NFIB: variants seen among roughly 807,000 people sequenced by gnomAD.
NFIB encodes nuclear factor I B.
Under a neutral mutation model 61.5 loss-of-function variants are expected in NFIB, and 11 were observed. The ratio of observed to expected loss-of-function variants is 0.18; its 90% CI spans 0.11 to 0.30. The LOEUF (loss-of-function observed/expected upper bound fraction) is 0.30. NFIB is among the 10% of genes least tolerant of loss of function. NFIB has a pLI of 1.00. For synonymous variants in NFIB, 260 were observed against 216.5 expected, an observed-to-expected ratio of 1.20 and a Z score of -1.76; for missense variants, 471 against 608.9, an observed-to-expected ratio of 0.77 and a Z score of 2.38.
At chr9:14,220,520 G>C (rs1293598372) in intron 2 of NFIB, among the ~76,000 whole-genome samples, 1 of 152,118 alleles carries the variant, frequency 6.6e-6, no homozygotes, top group East Asian at 1.9e-4. Context: ...AGAGCACCAA[G>C]AAACCAGGAG....
chr9:14,503,102 A>G, the NFIB span, among the ~76,000 whole-genome samples: 3 of 135,438 alleles, frequency 2.2e-5, no homozygotes, highest in Admixed American at 8.1e-5. Flanking sequence ...ATATATATAT[A>G]TATATGTGTG....
chr9:14,422,081 C>T, the NFIB span, among the ~76,000 whole-genome samples: 4 of 152,230 alleles, frequency 2.6e-5, no homozygotes, highest in East Asian at 5.8e-4. Context: ...TATAAACAGG[C>T]TAGTGTTAGC....
the NFIB span, among the ~76,000 whole-genome samples, chr9:14,498,751 G>A: frequency 2.8e-4 from 36 of 130,022 alleles, no homozygotes; most frequent in African/African-American, 9.8e-4. Context: ...CATGCACAAC[G>A]GAAACACTCA....
intron 2 of NFIB, among the ~76,000 whole-genome samples, chr9:14,263,259 G>GA (rs1205706543): frequency 6.9e-6 from 1 of 145,586 alleles, no homozygotes; most frequent in East Asian, 2.0e-4. Context: ...TGTTTCAATG[G>GA]CATTTGAATA....
intron 1 of NFIB, among the ~76,000 whole-genome samples, chr9:14,322,585 C>A (rs1261275047): frequency 6.6e-6 from 1 of 151,968 alleles, no homozygotes; most frequent in Non-Finnish European, 1.5e-5. Flanking sequence ...GCCCGCCCCG[C>A]CCCACCCTAC....
chr9:14,245,759 G>A (rs762268114), intron 2 of NFIB, among the ~76,000 whole-genome samples: 1 of 152,054 alleles, frequency 6.6e-6, no homozygotes. Flanking sequence ...TGTAATCCCA[G>A]CTACTTGGGA....
the NFIB span, among the ~76,000 whole-genome samples, chr9:14,491,206 T>C: frequency 6.6e-6 from 1 of 152,190 alleles, no homozygotes; most frequent in Admixed American, 6.5e-5. Flanking sequence ...ATTGAGTGCA[T>C]GTAAAGCTCT....
chr9:14,263,621 A>G (rs1242327273), intron 2 of NFIB, among the ~76,000 whole-genome samples: 2 of 152,202 alleles, frequency 1.3e-5, no homozygotes, highest in African/African-American at 4.8e-5. Context: ...GGCTATACAC[A>G]GGTTTGCCAT....
the NFIB span, among the ~76,000 whole-genome samples, chr9:14,407,106 A>C: frequency 6.6e-6 from 1 of 152,086 alleles, no homozygotes; most frequent in African/African-American, 2.4e-5. Context: ...CAATTTATTT[A>C]TTTTCTATTT....
At chr9:14,471,319 G>A in the NFIB span, among the ~76,000 whole-genome samples, 2 of 152,174 alleles carry the variant, frequency 1.3e-5, no homozygotes, top group African/African-American at 4.8e-5. Context: ...CCTCCCCCCT[G>A]AGGTCAGGCA....
At chr9:14,271,582 GAAACACA>G (rs2057629351) in intron 2 of NFIB, among the ~76,000 whole-genome samples, 2 of 152,062 alleles carry the variant, frequency 1.3e-5, no homozygotes, top group South Asian at 4.1e-4. Flanking sequence ...TCAGCTGGAC[GAAACACA>G]TGCTTCCACC....
chr9:14,276,708 G>C (rs1238542067), intron 2 of NFIB, among the ~76,000 whole-genome samples: 1 of 151,978 alleles, frequency 6.6e-6, no homozygotes, highest in Admixed American at 6.6e-5. Flanking sequence ...ACTACACATA[G>C]AAGTATCTGA....
chr9:14,353,889 G>A (rs1248761064), intron 1 of NFIB, among the ~76,000 whole-genome samples: 3 of 145,172 alleles, frequency 2.1e-5, no homozygotes, highest in Non-Finnish European at 4.5e-5. Context: ...AATTGAGGCT[G>A]ACAGGACAAT....
the NFIB span, among the ~76,000 whole-genome samples, chr9:14,422,965 C>T: frequency 6.6e-6 from 1 of 152,144 alleles, no homozygotes; most frequent in East Asian, 1.9e-4. Flanking sequence ...TAACAACAGC[C>T]TTGATATGGG....
chr9:14,157,491 G>A (rs1467106868), intron 3 of NFIB, among the ~76,000 whole-genome samples: 5 of 152,164 alleles, frequency 3.3e-5, no homozygotes, highest in African/African-American at 7.2e-5. Context: ...GCCACATTAA[G>A]TCATTATTCT....
chr9:14,227,435 A>C (rs949574222), intron 2 of NFIB, among the ~76,000 whole-genome samples: 3 of 152,198 alleles, frequency 2.0e-5, no homozygotes, highest in Non-Finnish European at 4.4e-5. Flanking sequence ...TTTTTTAAAA[A>C]CCAATGAATT....
At chr9:14,257,626 G>A (rs1486483470) in intron 2 of NFIB, among the ~76,000 whole-genome samples, 2 of 152,026 alleles carry the variant, frequency 1.3e-5, no homozygotes, top group African/African-American at 4.8e-5. Context: ...CATGGTTGCG[G>A]GCACCTGTAA....
intron 1 of NFIB, among the ~76,000 whole-genome samples, chr9:14,323,511 TTAG>T (rs1403650751): frequency 1.3e-5 from 2 of 152,218 alleles, no homozygotes; most frequent in Non-Finnish European, 2.9e-5. Flanking sequence ...TAACATTTAC[TTAG>T]TAGTAACCCA....
chr9:14,412,035 G>A, the NFIB span, among the ~76,000 whole-genome samples: 2 of 152,194 alleles, frequency 1.3e-5, no homozygotes, highest in East Asian at 3.9e-4. Flanking sequence ...GATGACTGCA[G>A]CCCTGGCTGA....
Sources: gnomAD v4.1 joint callset for allele counts (sites outside exome capture counted in the v4.1 genomes callset) on GRCh38, gnomAD v4.1.1 for gene constraint, MANE v1.5 for transcripts, NCBI Gene and HGNC (gene_info 2026-07-23, HGNC 2026-07-21) for gene names.